SHB: variants seen among roughly 807,000 people sequenced by gnomAD.
The protein encoded by SHB is SH2 domain-containing adapter protein B.
A neutral mutation model predicts 52.3 loss-of-function variants in SHB; 20 were observed. The ratio of observed to expected loss-of-function variants is 0.38; its 90% CI spans 0.27 to 0.56. The LOEUF is 0.56. SHB is among the 20% of genes least tolerant of loss of function. The probability of loss-of-function intolerance (pLI) is 0.71; values close to 1 mark genes in which losing one functional copy is unlikely to be tolerated. For missense variants in SHB, 825 were observed against 723.3 expected, an observed-to-expected ratio of 1.14 and a Z score of -1.61; for synonymous variants, 397 against 316.5, an observed-to-expected ratio of 1.25 and a Z score of -2.70.
intron 1 of SHB, among the ~76,000 whole-genome samples, chr9:38,029,395 A>G (rs142868686): frequency 2.0e-5 from 3 of 152,270 alleles, no homozygotes; most frequent in Non-Finnish European, 4.4e-5. Flanking sequence ...GGCAACTTAC[A>G]TGACATACTT....
intron 1 of SHB, among the ~76,000 whole-genome samples, chr9:38,037,648 G>GT (rs1325292077): frequency 6.6e-6 from 1 of 152,186 alleles, no homozygotes; most frequent in African/African-American, 2.4e-5. Context: ...GCTCAACTGT[G>GT]TGTCATTATC....
chr9:37,941,663 G>A (rs1431117205), intron 5 of SHB, among the ~76,000 whole-genome samples: 1 of 152,160 alleles, frequency 6.6e-6, no homozygotes, highest in Non-Finnish European at 1.5e-5. Context: ...TCCCTGCAGG[G>A]GCCTGGCTGG....
In SHB at chr9:38,038,620, G is replaced by C. The variant is rs190627627; in HGVS notation, c.718-22489C>G. Among the ~76,000 whole-genome samples, 267 of 152,238 alleles carry C rather than the reference G, an allele frequency of 1.8e-3. 1 individual carries two copies. Among genetic ancestry groups the C allele is most frequent in the Non-Finnish European group, 5.9e-4 (40 of 68,004 alleles). On this transcript the variant is annotated intron_variant, in intron 1 of 5. Transcript: ENST00000377707. ...ATGTGCTCAATGTCACACAGCAAAG[G>C]AAAGCAGCGGGTCTGCCTGACTCCC...
intron 3 of SHB, among the ~76,000 whole-genome samples, chr9:37,962,750 G>A (rs1273021195): frequency 1.3e-5 from 2 of 151,830 alleles, no homozygotes; most frequent in East Asian, 1.9e-4. Flanking sequence ...AGCCTCAAGT[G>A]ATCCTCCTAC....
intron 5 of SHB, among the ~76,000 whole-genome samples, chr9:37,922,465 G>A (rs1487747859): frequency 6.6e-6 from 1 of 152,164 alleles, no homozygotes; most frequent in Non-Finnish European, 1.5e-5. Context: ...AGCGAGGTGG[G>A]GCAGCTGCCA....
At chr9:37,936,040 T>TAAAAAAAA (rs1223430103) in intron 5 of SHB, among the ~76,000 whole-genome samples, 2 of 122,640 alleles carry the variant, frequency 1.6e-5, no homozygotes, top group African/African-American at 3.0e-5. Context: ...CCGTCTCTAC[T>TAAAAAAAA]AAAAAAAAAA....
intron 1 of SHB, among the ~76,000 whole-genome samples, chr9:38,054,243 G>A (rs577693754): frequency 1.1e-4 from 17 of 152,350 alleles, no homozygotes; most frequent in Admixed American, 8.5e-4. Flanking sequence ...CTCCTGTGGT[G>A]TATGACCTTG....
intron 2 of SHB, among the ~76,000 whole-genome samples, chr9:38,002,637 G>A (rs1821030183): frequency 6.6e-6 from 1 of 152,146 alleles, no homozygotes; most frequent in Admixed American, 6.5e-5. Context: ...CATCTGTCTA[G>A]TCCCCCAACC....
At chr9:38,027,955 A>G (rs1821365526) in intron 1 of SHB, among the ~76,000 whole-genome samples, 1 of 151,936 alleles carries the variant, frequency 6.6e-6, no homozygotes, top group South Asian at 2.1e-4. Flanking sequence ...TACCCAGCTG[A>G]AGCAATGGTA....
intron 2 of SHB, among the ~76,000 whole-genome samples, chr9:37,986,465 G>A (rs759201375): frequency 2.2e-4 from 34 of 152,182 alleles, no homozygotes; most frequent in Non-Finnish European, 4.1e-4. Flanking sequence ...CTAAAGGCAA[G>A]AAACTGGGAA....
intron 1 of SHB, among the ~76,000 whole-genome samples, chr9:38,066,015 C>T (rs1821956164): frequency 6.6e-6 from 1 of 152,188 alleles, no homozygotes; most frequent in African/African-American, 2.4e-5. Flanking sequence ...GAGGTCTCAT[C>T]ATAGCACTCA....
chr9:37,941,903 G>T (rs1832438921), intron 5 of SHB, among the ~76,000 whole-genome samples: 2 of 152,188 alleles, frequency 1.3e-5, no homozygotes, highest in South Asian at 4.1e-4. Context: ...GCTCCCTGCT[G>T]ATAGATGAGG....
At chr9:37,946,292 C>T (rs780677703) in intron 5 of SHB, among the ~76,000 whole-genome samples, 1 of 152,230 alleles carries the variant, frequency 6.6e-6, no homozygotes. Context: ...TGGTCCTACC[C>T]TCTAGGGAAT....
In SHB at chr9:37,989,144, A is replaced by G. The variant is rs368052523; in HGVS notation, c.839-14307T>C. ...CTGTTTCTCTGGAGAACCCTAATAC[A>G]TGCCTCTATGGACAGCCCTTTCCCC... is the stretch of plus-strand genomic sequence containing the variant. On this transcript the variant is annotated intron_variant, in intron 2 of 5. Coordinates refer to ENST00000377707, the MANE Select transcript of SHB (RefSeq NM_003028.3). Among the ~76,000 whole-genome samples the G allele has an allele frequency of 4.8e-3, 737 of 152,152 alleles. 8 individuals carry two copies. The highest frequency in any genetic ancestry group is 0.017 in the African/African-American group (712 of 41,506).
At chr9:37,964,574 T>A (rs1427131027) in intron 3 of SHB, among the ~76,000 whole-genome samples, 4 of 152,200 alleles carry the variant, frequency 2.6e-5, no homozygotes, top group Non-Finnish European at 5.9e-5. Flanking sequence ...TAACTCATTA[T>A]GCAGATGGGA....
chr9:37,956,255 C>T (rs778198145), intron 3 of SHB, among the ~76,000 whole-genome samples: 7 of 152,174 alleles, frequency 4.6e-5, no homozygotes, highest in Admixed American at 2.0e-4. Flanking sequence ...CCCAATGGTG[C>T]GTGTGAGGGG....
intron 1 of SHB, among the ~76,000 whole-genome samples, chr9:38,032,360 C>T (rs1821426609): frequency 6.6e-6 from 1 of 152,236 alleles, no homozygotes; most frequent in Admixed American, 6.5e-5. Context: ...CACCCCAAAG[C>T]TCTGGCTCTC....
Position 38,067,960 on chromosome 9 carries a change from G to A in SHB, c.686C>T (p.Ala229Val), listed in dbSNP as rs754051968. 22 of 1,550,424 alleles carry A rather than the reference G, an allele frequency of 1.4e-5. 1 individual carries two copies. In the South Asian group the frequency reaches 2.5e-4, roughly 17 times the overall value. ...CTTCTTGCCGGCCCCGCTCTCCTCC[G>A]CGGCTGAGGCGGCGCACTTGTTGAG... ...KLLNKCAASAAEESGAGKKDK... is the reference protein window; with the variant it reads ...KLLNKCAASAVEESGAGKKDK... The change falls in exon 1 of 6, where the codon GCG becomes GTG. Residue 229 changes from alanine to valine, a missense_variant. Physicochemically the swap from Ala to Val is moderately conservative, Grantham distance 64. Transcript: ENST00000377707.
chr9:38,007,118 A>G (rs1821084256), intron 2 of SHB, among the ~76,000 whole-genome samples: 1 of 152,246 alleles, frequency 6.6e-6, no homozygotes, highest in South Asian at 2.1e-4. Flanking sequence ...GAACGGTGCC[A>G]GCACATGGCA....
Sources: allele counts gnomAD v4.1 joint callset (sites outside exome capture counted in the v4.1 genomes callset), GRCh38; gene constraint gnomAD v4.1.1; transcripts MANE v1.5; gene names NCBI Gene and HGNC (gene_info 2026-07-23, HGNC 2026-07-21).